Variants in MIR2052HG observed in about 807,000 individuals in gnomAD.
MIR2052HG encodes MIR2052 host gene.
intron 4 of MIR2052HG, among the ~76,000 whole-genome samples, chr8:74,740,790 C>T (rs72669203): frequency 0.028 from 4,238 of 152,224 alleles, 105 homozygotes; most frequent in Non-Finnish European, 0.045. Flanking sequence ...AAGTAGATAG[C>T]GTGGTCTCCA....
chr8:74,697,536 G>C lies in MIR2052HG; in HGVS notation n.217-4843G>C, dbSNP rs147495036. Among the ~76,000 whole-genome samples the C allele has an allele frequency of 1.9e-3, 287 of 152,204 alleles. 3 individuals are homozygous for C. Among genetic ancestry groups the C allele is most frequent in the African/African-American group, 6.3e-3 (263 of 41,550 alleles). Reference sequence around the variant, plus strand: ...AAATCAGCAAAGAGGGAGTCAAACTGTTGCTGTTCACTGATGATATCATCC... The same window carrying C: ...AAATCAGCAAAGAGGGAGTCAAACTCTTGCTGTTCACTGATGATATCATCC... On this transcript the variant is annotated intron_variant and non_coding_transcript_variant, in intron 2 of 6. Coordinates refer to ENST00000523442, the Ensembl canonical transcript of MIR2052HG.
At chr8:74,610,860 T>G (rs1200674932) in intron 1 of MIR2052HG, among the ~76,000 whole-genome samples, 1 of 151,942 alleles carries the variant, frequency 6.6e-6, no homozygotes, top group Non-Finnish European at 1.5e-5. Context: ...AAAGAAATTA[T>G]AGACCAAAAA....
chr8:74,678,591 A>G lies in MIR2052HG; in HGVS notation n.217-23788A>G, dbSNP rs571121514. Among the ~76,000 whole-genome samples the G allele has an allele frequency of 2.2e-3, 335 of 149,194 alleles. 1 individual carries two copies. The highest frequency in any genetic ancestry group is 3.6e-3 in the Non-Finnish European group (240 of 67,502). The stretch of plus-strand genomic sequence containing the variant: ...AAAAAAAAAAAAAAAAAAAAAAAGG[A>G]AAGAATGATAACAATTCCCAAGTCA... On this transcript the variant is annotated intron_variant and non_coding_transcript_variant, in intron 2 of 6. Coordinates refer to ENST00000523442, the Ensembl canonical transcript of MIR2052HG.
intron 1 of MIR2052HG, among the ~76,000 whole-genome samples, chr8:74,601,204 T>C (rs1807995276): frequency 6.6e-6 from 1 of 152,222 alleles, no homozygotes; most frequent in Non-Finnish European, 1.5e-5. Context: ...AAACCTCTTA[T>C]TCTTAAATTC....
intron 4 of MIR2052HG, among the ~76,000 whole-genome samples, chr8:74,746,567 A>AGTGTGTGTGTGTGTGTGTGTGTGT (rs72103010): frequency 6.8e-6 from 1 of 147,538 alleles, no homozygotes; most frequent in Non-Finnish European, 1.5e-5. Context: ...GAGGAGAAGA[A>AGTGTGTGTGTGTGTGTGTGTGTGT]GTGTGTGTGT....
chr8:74,670,840 T>C (rs1808983969), intron 2 of MIR2052HG, among the ~76,000 whole-genome samples: 1 of 152,174 alleles, frequency 6.6e-6, no homozygotes, highest in Admixed American at 6.6e-5. Context: ...GGTTTTAATA[T>C]AATTTTTAAA....
intron 2 of MIR2052HG, among the ~76,000 whole-genome samples, chr8:74,617,177 T>G (rs1200145140): frequency 6.6e-6 from 1 of 152,318 alleles, no homozygotes; most frequent in East Asian, 1.9e-4. Flanking sequence ...GAGATTTTAG[T>G]GTACCCATCA....
chr8:74,623,574 G>A (rs545768124), intron 2 of MIR2052HG, among the ~76,000 whole-genome samples: 13 of 152,274 alleles, frequency 8.5e-5, no homozygotes, highest in Middle Eastern at 3.4e-3. Context: ...TATTAAAAAG[G>A]TCTTTTAGGA....
chr8:74,660,965 G>T (rs980703938), intron 2 of MIR2052HG, among the ~76,000 whole-genome samples: 3 of 152,146 alleles, frequency 2.0e-5, no homozygotes, highest in Non-Finnish European at 4.4e-5. Context: ...AGGCAGAGGA[G>T]ATAATAAATA....
chr8:74,673,887 G>GTATGTATATA (rs1554575298), intron 2 of MIR2052HG, among the ~76,000 whole-genome samples: 2 of 121,702 alleles, frequency 1.6e-5, no homozygotes, highest in Non-Finnish European at 1.6e-5. Context: ...GTATTTTTTT[G>GTATGTATATA]TATATATATA....
intron 1 of MIR2052HG, among the ~76,000 whole-genome samples, chr8:74,600,821 G>T (rs973236809): frequency 6.6e-6 from 1 of 152,004 alleles, no homozygotes; most frequent in Admixed American, 6.5e-5. Flanking sequence ...TTTTCTGCCA[G>T]CCTGAGCCTC....
intron 2 of MIR2052HG, among the ~76,000 whole-genome samples, chr8:74,644,354 G>C (rs185744561): frequency 6.6e-6 from 1 of 152,252 alleles, no homozygotes; most frequent in East Asian, 1.9e-4. Context: ...TGTTACAATT[G>C]CCTACAGTAT....
At chr8:74,730,905 C>G (rs560225353) in intron 4 of MIR2052HG, among the ~76,000 whole-genome samples, 1 of 152,142 alleles carries the variant, frequency 6.6e-6, no homozygotes, top group Non-Finnish European at 1.5e-5. Flanking sequence ...AGTGGCCAGA[C>G]CTTCTGCTCA....
At chr8:74,703,309 G>A (rs770917811) in intron 3 of MIR2052HG, among the ~76,000 whole-genome samples, 1 of 151,896 alleles carries the variant, frequency 6.6e-6, no homozygotes, top group South Asian at 2.1e-4. Flanking sequence ...CTTAAGGAAG[G>A]ATGCATCAGT....
At chr8:74,600,281 T>A (rs1807975318) in intron 1 of MIR2052HG, among the ~76,000 whole-genome samples, 1 of 151,798 alleles carries the variant, frequency 6.6e-6, no homozygotes, top group Non-Finnish European at 1.5e-5. Flanking sequence ...TCTTTTCTTT[T>A]TTTTTTTTGA....
chr8:74,626,801 C>T (rs1333606117), intron 2 of MIR2052HG, among the ~76,000 whole-genome samples: 1 of 152,192 alleles, frequency 6.6e-6, no homozygotes, highest in Non-Finnish European at 1.5e-5. Flanking sequence ...CTGCATGCTC[C>T]TCCATTCCCC....
intron 4 of MIR2052HG, among the ~76,000 whole-genome samples, chr8:74,710,795 T>C (rs1380334780): frequency 1.3e-5 from 2 of 152,312 alleles, no homozygotes; most frequent in Admixed American, 6.5e-5. Flanking sequence ...TTTCATTTAC[T>C]TAGGAGATTT....
At chr8:74,606,090 G>A (rs2128730736) in intron 1 of MIR2052HG, among the ~76,000 whole-genome samples, 1 of 152,314 alleles carries the variant, frequency 6.6e-6, no homozygotes, top group Non-Finnish European at 1.5e-5. Context: ...AAAGTTAAAA[G>A]GATAAATGGT....
chr8:74,657,606 C>A (rs1586905528), intron 2 of MIR2052HG, among the ~76,000 whole-genome samples: 1 of 152,196 alleles, frequency 6.6e-6, no homozygotes, highest in African/African-American at 2.4e-5. Context: ...GATGGACTTA[C>A]AACTCCACAT....
Sources: gnomAD v4.1 joint callset for allele counts (sites outside exome capture counted in the v4.1 genomes callset) on GRCh38, gnomAD v4.1.1 for gene constraint, MANE v1.5 for transcripts, NCBI Gene and HGNC (gene_info 2026-07-23, HGNC 2026-07-21) for gene names.